Variants in CRPPA observed in about 807,000 individuals in gnomAD.
CRPPA encodes D-ribitol-5-phosphate cytidylyltransferase.
CRPPA carries 43 observed loss-of-function variants against 52.0 expected under a neutral mutation model. That is an observed-to-expected ratio of 0.83 (90% confidence interval 0.65 to 1.07). The LOEUF (loss-of-function observed/expected upper bound fraction) is 1.07, where lower values mean the gene tolerates loss of function less well. Ranked by LOEUF, CRPPA falls within the 50% of genes least tolerant of loss-of-function variation. The pLI is 0.00. For missense variants in CRPPA, 629 were observed against 551.7 expected (o/e 1.14, Z -1.40); for synonymous variants, 250 against 203.5 (o/e 1.23, Z -1.94).
intron 9 of CRPPA, among the ~76,000 whole-genome samples, chr7:16,123,018 T>A: frequency 6.6e-6 from 1 of 152,046 alleles, no homozygotes; most frequent in East Asian, 1.9e-4. Flanking sequence ...AAAAGAATAG[T>A]AAAAAGTGTC....
chr7:16,328,728 T>C (rs1483449041), intron 3 of CRPPA, among the ~76,000 whole-genome samples: 2 of 152,154 alleles, frequency 1.3e-5, no homozygotes, highest in African/African-American at 4.8e-5. Context: ...TTGGCCAGGC[T>C]GGTCTTGAAC....
chr7:16,348,683 G>A (rs1441286546), intron 3 of CRPPA, among the ~76,000 whole-genome samples: 1 of 152,090 alleles, frequency 6.6e-6, no homozygotes. Flanking sequence ...GTTAATTAGT[G>A]GTCTGGCTTC....
chr7:16,374,010 C>T (rs1786816024), intron 3 of CRPPA, among the ~76,000 whole-genome samples: 2 of 152,066 alleles, frequency 1.3e-5, no homozygotes, highest in African/African-American at 2.4e-5. Flanking sequence ...TTACAATTGC[C>T]AGATATCTGC....
In CRPPA at chr7:16,312,920, A is replaced by T. The variant is rs1382003525; in HGVS notation, c.685-4293T>A. ...AACCAGTCTTGTGTATCTGAGATAA[A>T]TCCCAGTCAGTTGTGGGGTTTTGCT... On this transcript the variant is annotated intron_variant, in intron 3 of 9. Transcript: ENST00000407010. Among the ~76,000 whole-genome samples the T allele has an allele frequency of 2.0e-5, 3 of 151,916 alleles. No individual in the cohort carries two copies. The East Asian group carries it at 5.8e-4, about 29-fold the overall frequency.
At chr7:16,330,684 T>A (rs1263576919) in intron 3 of CRPPA, among the ~76,000 whole-genome samples, 1 of 152,106 alleles carries the variant, frequency 6.6e-6, no homozygotes, top group African/African-American at 2.4e-5. Context: ...CAGGTTCTCA[T>A]ACTACTAATA....
At position 16,420,721 on chromosome 7, in the gene CRPPA, A is replaced by C. The variant is rs540751401; in HGVS notation, c.257+345T>G. On this transcript the variant is annotated intron_variant, in intron 1 of 9. Coordinates refer to ENST00000407010, the MANE Select transcript of CRPPA (RefSeq NM_001101426.4). ...GCGGAGGCAGAGCCCCAGGACCGCG[A>C]GACTATCCGCACAGCTTCTCCTCAG... Among the ~76,000 whole-genome samples the C allele has an allele frequency of 5.3e-5, 8 of 152,248 alleles. No individual in the cohort carries two copies. In the South Asian group the frequency reaches 1.7e-3, roughly 32 times the overall value.
rs371376395 is a variant in CRPPA at position 16,089,498 on chromosome 7, C to G, written c.*2197G>C. 463 of 284,230 alleles carry G rather than the reference C, an allele frequency of 1.6e-3. 13 individuals are homozygous for G. Among genetic ancestry groups the G allele is most frequent in the South Asian group, 0.013 (436 of 33,650 alleles). 17.6% of individuals were successfully genotyped at this position (284,230 alleles called of 1,614,324 possible). A position where few individuals can be genotyped will look rare whatever the true frequency, so the allele number is the denominator to read the frequency against. ...GTACATATATACGGGTATATATGTA[C>G]GTACATACATAGATATGGGTATATA... On this transcript the variant is annotated 3_prime_UTR_variant, in exon 10 of 10. Coordinates refer to ENST00000407010, the MANE Select transcript of CRPPA (RefSeq NM_001101426.4).
intron 9 of CRPPA, among the ~76,000 whole-genome samples, chr7:16,185,041 T>G (rs1284205315): frequency 6.6e-6 from 1 of 152,184 alleles, no homozygotes; most frequent in Non-Finnish European, 1.5e-5. Flanking sequence ...ATAGACTATT[T>G]TAAGACAGAC....
intron 9 of CRPPA, among the ~76,000 whole-genome samples, chr7:16,159,688 T>A (rs541359002): frequency 9.2e-5 from 14 of 152,246 alleles, no homozygotes; most frequent in African/African-American, 3.4e-4. Context: ...TGTGTCTTCA[T>A]AGCAGAATAA....
intron 9 of CRPPA, among the ~76,000 whole-genome samples, chr7:16,180,556 A>G (rs1306312770): frequency 6.6e-6 from 1 of 152,046 alleles, no homozygotes; most frequent in Non-Finnish European, 1.5e-5. Flanking sequence ...TTACATGCGC[A>G]TGTGGCAAGC....
intron 9 of CRPPA, among the ~76,000 whole-genome samples, chr7:16,144,848 G>C (rs77558342): frequency 2.6e-4 from 40 of 152,272 alleles, no homozygotes; most frequent in African/African-American, 9.6e-4. Flanking sequence ...CTCTAGCTGC[G>C]CTGTCAGGTA....
intron 9 of CRPPA, among the ~76,000 whole-genome samples, chr7:16,165,006 C>T (rs1437228118): frequency 3.9e-5 from 6 of 152,004 alleles, no homozygotes; most frequent in African/African-American, 1.4e-4. Flanking sequence ...GGCAGTCTGT[C>T]CCTTAGCAGA....
chr7:16,420,411 C>G (rs1788297427), intron 1 of CRPPA, among the ~76,000 whole-genome samples: 2 of 152,164 alleles, frequency 1.3e-5, no homozygotes, highest in South Asian at 4.1e-4. Flanking sequence ...TCCTCAGCTC[C>G]TCACGACTGT....
At chr7:16,373,016 C>T (rs1340636220) in intron 3 of CRPPA, among the ~76,000 whole-genome samples, 1 of 152,150 alleles carries the variant, frequency 6.6e-6, no homozygotes, top group African/African-American at 2.4e-5. Flanking sequence ...GGAAATAAGC[C>T]AAGTGTGGTG....
chr7:16,225,797 G>C (rs1320646252), intron 8 of CRPPA, among the ~76,000 whole-genome samples: 1 of 151,784 alleles, frequency 6.6e-6, no homozygotes, highest in African/African-American at 2.4e-5. Context: ...TCTGCATTTA[G>C]GCCAACTACT....
chr7:16,204,933 T>A (rs1276260767), intron 9 of CRPPA, among the ~76,000 whole-genome samples: 1 of 152,180 alleles, frequency 6.6e-6, no homozygotes, highest in African/African-American at 2.4e-5. Flanking sequence ...ATATTTTACA[T>A]CAGAGAATTC....
rs1340310876 is a variant in CRPPA, at chr7:16,259,012, G to A, written c.934C>T (p.His312Tyr). 6.2e-7 allele frequency: 1 copy of A among 1,601,478 alleles called. No individual in the cohort carries two copies. Among genetic ancestry groups the A allele is most frequent in the Non-Finnish European group, 8.5e-7 (1 of 1,172,948 alleles). Residue 312 changes from histidine to tyrosine, a missense_variant and splice_region_variant, in exon 7 of 10, where the codon CAT becomes TAT. Transcript: ENST00000407010. ...AGAGCCTCAGATGTGACTTTTACAT[G>A]CTAGTAGGAAAAAACAGAAATGAAT... is the stretch of plus-strand genomic sequence containing the variant. ...LEEVLKSELN[H>Y]VKVTSEALGH...
At chr7:16,291,511 C>T (rs1204740837) in intron 5 of CRPPA, among the ~76,000 whole-genome samples, 11 of 151,640 alleles carry the variant, frequency 7.3e-5, no homozygotes, top group Admixed American at 6.6e-5. Context: ...CATGTTGTCA[C>T]TCACATAATG....
chr7:16,303,476 G>GTAAAAAAAAAAAAAAAAAAAAA, intron 4 of CRPPA, among the ~76,000 whole-genome samples: 1 of 6,392 alleles, frequency 1.6e-4, no homozygotes, highest in Non-Finnish European at 3.0e-4. Flanking sequence ...ACATAAAATA[G>GTAAAAAAAAAAAAAAAAAAAAA]TAAAAAAAAA....
Sources: allele counts gnomAD v4.1 joint callset (sites outside exome capture counted in the v4.1 genomes callset), GRCh38; gene constraint gnomAD v4.1.1; transcripts MANE v1.5; gene names NCBI Gene and HGNC (gene_info 2026-07-23, HGNC 2026-07-21).